Variants in CNIH3 observed in about 807,000 individuals in gnomAD.
CNIH3 encodes protein cornichon homolog 3.
CNIH3 carries 14 observed loss-of-function variants against 24.1 expected under a neutral mutation model. The observed-to-expected ratio is 0.58, with a 90% CI of 0.38 to 0.91. The LOEUF (loss-of-function observed/expected upper bound fraction) is 0.91, where lower values mean the gene tolerates loss of function less well. Ranked by LOEUF, CNIH3 falls within the 40% of genes least tolerant of loss-of-function variation. The pLI is 0.00. For missense variants in CNIH3, 178 were observed against 196.8 expected, an observed-to-expected ratio of 0.90 and a Z score of 0.57; for synonymous variants, 68 against 73.8, an observed-to-expected ratio of 0.92 and a Z score of 0.40.
chr1:224,513,292 G>A (rs1418506939), upstream of CNIH3, among the ~76,000 whole-genome samples: 2 of 133,596 alleles, frequency 1.5e-5, no homozygotes, highest in African/African-American at 5.6e-5. Flanking sequence ...GGGACTATAG[G>A]CACATACCAC....
At chr1:224,605,996 G>A (rs1004668910) in intron 3 of CNIH3, among the ~76,000 whole-genome samples, 6 of 152,148 alleles carry the variant, frequency 3.9e-5, no homozygotes, top group Non-Finnish European at 8.8e-5. Context: ...GGGGTGACTC[G>A]TTTACTCAGC....
chr1:224,608,395 G>A (rs950506648), intron 3 of CNIH3, among the ~76,000 whole-genome samples: 1 of 152,068 alleles, frequency 6.6e-6, no homozygotes, highest in Non-Finnish European at 1.5e-5. Flanking sequence ...CTCAAAAACC[G>A]AGCTCCCCAA....
chr1:224,592,379 G>C (rs1681796756), downstream of CNIH3, among the ~76,000 whole-genome samples: 1 of 152,156 alleles, frequency 6.6e-6, no homozygotes, highest in South Asian at 2.1e-4. Flanking sequence ...GTGCCTAAGA[G>C]GTAGAAAAAG....
intron 3 of CNIH3, among the ~76,000 whole-genome samples, chr1:224,562,021 A>G (rs1680395089): frequency 6.6e-6 from 1 of 152,120 alleles, no homozygotes; most frequent in South Asian, 2.1e-4. Context: ...CACCTCCAAC[A>G]TTGAGACTTG....
intron 1 of CNIH3, among the ~76,000 whole-genome samples, chr1:224,470,396 T>G (rs894261547): frequency 6.6e-6 from 1 of 150,934 alleles, no homozygotes; most frequent in Non-Finnish European, 1.5e-5. Flanking sequence ...CGTAGCTCAC[T>G]GCAGCCTTCT....
chr1:224,698,128 T>A (rs1264983004), intron 3 of CNIH3, among the ~76,000 whole-genome samples: 1 of 152,216 alleles, frequency 6.6e-6, no homozygotes, highest in East Asian at 1.9e-4. Flanking sequence ...GCTGTCTGTG[T>A]GGCACAGACA....
chr1:224,705,215 C>T (rs1687716232), intron 3 of CNIH3, among the ~76,000 whole-genome samples: 1 of 152,190 alleles, frequency 6.6e-6, no homozygotes, highest in Admixed American at 6.5e-5. Context: ...TTTCATGACA[C>T]TGACCTCTTC....
chr1:224,676,700 A>G (rs954357100), intron 1 of CNIH3, among the ~76,000 whole-genome samples: 1 of 152,158 alleles, frequency 6.6e-6, no homozygotes, highest in Non-Finnish European at 1.5e-5. Flanking sequence ...GCCCATCCTT[A>G]CATCATTGTG....
intron 1 of CNIH3, among the ~76,000 whole-genome samples, chr1:224,680,450 C>T (rs545931942): frequency 2.0e-5 from 3 of 152,322 alleles, no homozygotes; most frequent in East Asian, 3.9e-4. Flanking sequence ...AGGAGCTGAC[C>T]GTCCAGGCTT....
chr1:224,663,339 C>T (rs958424762), intron 1 of CNIH3, among the ~76,000 whole-genome samples: 2 of 152,174 alleles, frequency 1.3e-5, no homozygotes, highest in Non-Finnish European at 2.9e-5. Flanking sequence ...TGGGATTGAA[C>T]CTCGACCTCC....
At chr1:224,666,995 T>G (rs756998471) in intron 1 of CNIH3, among the ~76,000 whole-genome samples, 5 of 152,232 alleles carry the variant, frequency 3.3e-5, no homozygotes, top group African/African-American at 4.8e-5. Flanking sequence ...CTGACCCCTG[T>G]CATCTCCTGT....
At chr1:224,675,626 C>G (rs1686098868) in intron 1 of CNIH3, among the ~76,000 whole-genome samples, 1 of 152,002 alleles carries the variant, frequency 6.6e-6, no homozygotes, top group Non-Finnish European at 1.5e-5. Flanking sequence ...TCATCAGTAA[C>G]AAAAAAACCA....
intron 3 of CNIH3, among the ~76,000 whole-genome samples, chr1:224,562,942 A>G (rs1680433612): frequency 6.6e-6 from 1 of 152,192 alleles, no homozygotes; most frequent in South Asian, 2.1e-4. Flanking sequence ...AGAAGTTCCT[A>G]TGTGCTACTG....
upstream of CNIH3, among the ~76,000 whole-genome samples, chr1:224,612,927 C>T (rs1036124244): frequency 6.6e-6 from 1 of 152,176 alleles, no homozygotes; most frequent in Admixed American, 6.5e-5. The surrounding 1 kb of genome is among the most constrained non-coding windows in gnomAD (Gnocchi z 4.7). Context: ...GAAAGAAATA[C>T]ACCAGGATTG....
intron 1 of CNIH3, among the ~76,000 whole-genome samples, chr1:224,662,270 A>G (rs967244113): frequency 6.6e-6 from 1 of 152,216 alleles, no homozygotes; most frequent in African/African-American, 2.4e-5. Flanking sequence ...AGTCTAGATT[A>G]CGTATGAGAG....
intron 1 of CNIH3, among the ~76,000 whole-genome samples, chr1:224,494,922 C>A (rs1032536565): frequency 6.6e-6 from 1 of 152,222 alleles, no homozygotes; most frequent in African/African-American, 2.4e-5. Flanking sequence ...CTTCTGCCCT[C>A]TCTGCCTACC....
intron 5 of CNIH3, among the ~76,000 whole-genome samples, chr1:224,584,075 T>C (rs1377218665): frequency 6.6e-6 from 1 of 152,216 alleles, no homozygotes; most frequent in Non-Finnish European, 1.5e-5. Context: ...GACAGCATAG[T>C]TCTTTGAGAA....
At chr1:224,587,944 T>TA (rs200359928) in intron 5 of CNIH3, among the ~76,000 whole-genome samples, 36,655 of 145,548 alleles carry the variant, frequency 0.25, 4,592 homozygotes, top group Admixed American at 0.35. Context: ...CTGTTTCCAT[T>TA]AAAAAAAAAA....
At chr1:224,657,130 G>A (rs1685134271) in intron 1 of CNIH3, among the ~76,000 whole-genome samples, 1 of 152,066 alleles carries the variant, frequency 6.6e-6, no homozygotes, top group South Asian at 2.1e-4. Flanking sequence ...TCATTGCCAG[G>A]GTGGTATGGC....
Sources: gnomAD v4.1 joint callset for allele counts (sites outside exome capture counted in the v4.1 genomes callset) on GRCh38, gnomAD v4.1.1 for gene constraint, Gnocchi (gnomAD v3.1) non-coding constraint, MANE v1.5 for transcripts, NCBI Gene and HGNC (gene_info 2026-07-23, HGNC 2026-07-21) for gene names.